Variants in PRKCE observed in about 807,000 individuals in gnomAD.
The protein encoded by PRKCE is protein kinase C epsilon.
Under a neutral mutation model 85.4 loss-of-function variants are expected in PRKCE, and 16 were observed. The ratio of observed to expected loss-of-function variants is 0.19; its 90% CI spans 0.13 to 0.28. PRKCE has a LOEUF of 0.28. PRKCE is among the 10% of genes least tolerant of loss of function. The probability of loss-of-function intolerance (pLI) is 1.00; values close to 1 mark genes in which losing one functional copy is unlikely to be tolerated. For missense variants in PRKCE, 573 were observed against 975.2 expected (o/e 0.59, Z 5.49); for synonymous variants, 388 against 371.5 (o/e 1.04, Z -0.51).
At chr2:46,091,308 G>A (rs1574447772) in intron 11 of PRKCE, among the ~76,000 whole-genome samples, 1 of 152,312 alleles carries the variant, frequency 6.6e-6, no homozygotes, top group East Asian at 1.9e-4. Context: ...TTCCGTCCAA[G>A]GTTGATTCAG....
intron 10 of PRKCE, among the ~76,000 whole-genome samples, chr2:46,027,027 G>A (rs532808647): frequency 3.3e-5 from 5 of 152,228 alleles, no homozygotes; most frequent in African/African-American, 1.2e-4. Flanking sequence ...AAATTAGCCT[G>A]GCACGGTGAT....
At chr2:46,107,839 C>CATCTGTAT (rs546585037) in intron 11 of PRKCE, among the ~76,000 whole-genome samples, 2 of 152,084 alleles carry the variant, frequency 1.3e-5, no homozygotes, top group Non-Finnish European at 2.9e-5. Flanking sequence ...TCTTATTTGC[C>CATCTGTAT]ATCTGTATAT....
intron 11 of PRKCE, among the ~76,000 whole-genome samples, chr2:46,100,731 C>T (rs12477342): frequency 0.66 from 99,776 of 152,162 alleles, 35,769 homozygotes; most frequent in East Asian, 0.97. Flanking sequence ...CATTTATTCA[C>T]TCAACAGACA....
At chr2:45,868,319 C>CAAAAAAAAA (rs371501864) in intron 2 of PRKCE, among the ~76,000 whole-genome samples, 45 of 35,998 alleles carry the variant, frequency 1.3e-3, no homozygotes, top group African/African-American at 4.5e-3. Flanking sequence ...CTTTCCTGTC[C>CAAAAAAAAA]AAAAAAAAAA....
chr2:45,738,109 C>T (rs141323166), intron 1 of PRKCE, among the ~76,000 whole-genome samples: 1,796 of 152,266 alleles, frequency 0.012, 80 homozygotes, highest in Admixed American at 0.085. Context: ...CCTAACTGGC[C>T]TCCCTGCTGC....
At chr2:46,086,079 G>A (rs1669609641) in intron 10 of PRKCE, 129 bp from the exon 11 acceptor site, 1 of 910,674 alleles carries the variant, frequency 1.1e-6, no homozygotes, top group Admixed American at 2.2e-5. Context: ...GGTGCTACCA[G>A]GATTCACCCA....
intron 1 of PRKCE, among the ~76,000 whole-genome samples, chr2:45,653,370 GTTT>G (rs34888247): frequency 0.025 from 1,534 of 61,464 alleles, 16 homozygotes; most frequent in African/African-American, 0.08. Context: ...TTTTTGGGTT[GTTT>G]TTTTTTTTTT....
At chr2:45,847,502 C>T (rs915628583) in intron 2 of PRKCE, among the ~76,000 whole-genome samples, 67 of 152,332 alleles carry the variant, frequency 4.4e-4, no homozygotes, top group African/African-American at 1.5e-3. Flanking sequence ...AAACCAGCTT[C>T]GCTTGGTTCT....
At chr2:46,051,488 C>A (rs892667000) in intron 10 of PRKCE, among the ~76,000 whole-genome samples, 1 of 152,156 alleles carries the variant, frequency 6.6e-6, no homozygotes, top group African/African-American at 2.4e-5. Context: ...AAGAGAGTGC[C>A]CTTGCCATTC....
intron 10 of PRKCE, among the ~76,000 whole-genome samples, chr2:46,076,367 T>G (rs914198676): frequency 6.6e-6 from 1 of 152,234 alleles, no homozygotes; most frequent in Non-Finnish European, 1.5e-5. Flanking sequence ...TCTGATCTAT[T>G]GGACCAAAAC....
intron 3 of PRKCE, among the ~76,000 whole-genome samples, chr2:45,976,857 CTGTGTGTGTGTGTGTGTGTGTG>C (rs56287103): frequency 0.014 from 1,920 of 135,050 alleles, 56 homozygotes; most frequent in South Asian, 0.098. Flanking sequence ...GATATTGTGA[CTGTGTGTGTGTGTGTGTGTGTG>C]TGTGTGTGTG....
chr2:46,076,303 A>G (rs1160335888), intron 10 of PRKCE, among the ~76,000 whole-genome samples: 1 of 152,192 alleles, frequency 6.6e-6, no homozygotes, highest in East Asian at 1.9e-4. Context: ...ATATCATGTG[A>G]TAAAAACTTC....
intron 1 of PRKCE, among the ~76,000 whole-genome samples, chr2:45,806,485 T>G (rs138990015): frequency 2.0e-5 from 3 of 152,348 alleles, no homozygotes; most frequent in African/African-American, 7.2e-5. Context: ...ATCAGCGGCA[T>G]TAAGTCCGTT....
intron 1 of PRKCE, chr2:45,700,475 A>C (rs1678541580): frequency 6.6e-6 from 1 of 152,066 alleles, no homozygotes; most frequent in South Asian, 2.1e-4. Context: ...GAGAAGTCTG[A>C]AGCAGAAGGA....
chr2:45,662,448 C>T (rs1280818381), intron 1 of PRKCE, among the ~76,000 whole-genome samples: 2 of 151,986 alleles, frequency 1.3e-5, no homozygotes, highest in Non-Finnish European at 2.9e-5. Flanking sequence ...TTTTTTTTCT[C>T]TCTCTATGAA....
chr2:45,903,223 G>C (rs535794968), intron 2 of PRKCE, among the ~76,000 whole-genome samples: 43 of 152,284 alleles, frequency 2.8e-4, no homozygotes, highest in African/African-American at 1.0e-3. Flanking sequence ...GTCCTCCAAG[G>C]GATCCCTGCC....
At chr2:45,844,670 A>G (rs1260198807) in intron 2 of PRKCE, among the ~76,000 whole-genome samples, 1 of 152,224 alleles carries the variant, frequency 6.6e-6, no homozygotes, top group African/African-American at 2.4e-5. Context: ...TTTTCCTTAC[A>G]TAATCTGTGT....
intron 1 of PRKCE, among the ~76,000 whole-genome samples, chr2:45,737,923 A>G (rs186696622): frequency 2.0e-4 from 31 of 152,194 alleles, no homozygotes; most frequent in Admixed American, 7.2e-4. Flanking sequence ...CCCCTTCCTG[A>G]TTATACAGCA....
intron 1 of PRKCE, chr2:45,674,796 CTGAG>C (rs1420633579): frequency 6.6e-6 from 1 of 152,172 alleles, no homozygotes; most frequent in Non-Finnish European, 1.5e-5. Context: ...GGAAAGGACT[CTGAG>C]TGAGTCTACA....
Sources: gnomAD v4.1 joint callset for allele counts (sites outside exome capture counted in the v4.1 genomes callset) on GRCh38, gnomAD v4.1.1 for gene constraint, MANE v1.5 for transcripts, NCBI Gene and HGNC (gene_info 2026-07-23, HGNC 2026-07-21) for gene names.